Variants in FAM13C observed in about 807,000 individuals in gnomAD.
FAM13C encodes the protein protein FAM13C.
Under a neutral mutation model 73.2 loss-of-function variants are expected in FAM13C, and 37 were observed. The observed-to-expected ratio is 0.51, with a 90% CI of 0.39 to 0.67. FAM13C has a LOEUF of 0.67. Among genes scored for constraint, FAM13C ranks in the 30% least tolerant of loss-of-function variants. The pLI, the probability that FAM13C is intolerant of heterozygous loss-of-function variation, is 0.00. For missense variants in FAM13C, 589 were observed against 715.6 expected, an observed-to-expected ratio of 0.82 and a Z score of 2.02; for synonymous variants, 246 against 260.9, an observed-to-expected ratio of 0.94 and a Z score of 0.55.
At chr10:59,316,963 G>A (rs2133973020) in intron 4 of FAM13C, among the ~76,000 whole-genome samples, 1 of 152,182 alleles carries the variant, frequency 6.6e-6, no homozygotes, top group South Asian at 2.1e-4. Flanking sequence ...ATGTAATTAT[G>A]TATAATATAT....
chr10:59,268,960 T>A (rs1314870191), intron 7 of FAM13C, among the ~76,000 whole-genome samples: 2 of 152,164 alleles, frequency 1.3e-5, no homozygotes, highest in East Asian at 3.9e-4. Context: ...AGGAGGCCAA[T>A]TTAAGACTCG....
At chr10:59,360,959 G>A in intron 1 of FAM13C, 1 of 1,224,934 alleles carries the variant, frequency 8.2e-7, no homozygotes, top group African/African-American at 1.6e-5. Context: ...GGCCACACCA[G>A]GCTCCTGAGA....
intron 4 of FAM13C, among the ~76,000 whole-genome samples, chr10:59,315,915 G>A (rs534594334): frequency 4.1e-4 from 62 of 152,082 alleles, no homozygotes; most frequent in African/African-American, 1.3e-3. Context: ...TCCATGATCG[G>A]ACAACTGAAA....
At chr10:59,297,011 CT>C (rs1846997061) in intron 5 of FAM13C, 1 of 152,184 alleles carries the variant, frequency 6.6e-6, no homozygotes, top group Admixed American at 6.5e-5. Context: ...CAGTAATATT[CT>C]TTCCATTAAA....
intron 10 of FAM13C, among the ~76,000 whole-genome samples, chr10:59,261,116 TGAAGGATG>T (rs1351218596): frequency 1.3e-5 from 2 of 152,134 alleles, no homozygotes; most frequent in Admixed American, 1.3e-4. Context: ...TCAGAAGCAT[TGAAGGATG>T]GAAAACCACA....
intron 13 of FAM13C, among the ~76,000 whole-genome samples, chr10:59,250,630 A>C (rs1841280763): frequency 6.6e-6 from 1 of 152,182 alleles, no homozygotes; most frequent in Non-Finnish European, 1.5e-5. Context: ...CATCAGGACA[A>C]CCCTCAACCT....
chr10:59,272,171 G>A (rs1843789917), intron 6 of FAM13C, among the ~76,000 whole-genome samples: 1 of 152,126 alleles, frequency 6.6e-6, no homozygotes. Context: ...TTTCCCTTGG[G>A]CATTTGCATA....
intron 6 of FAM13C, among the ~76,000 whole-genome samples, chr10:59,271,665 A>T (rs1165421669): frequency 2.0e-5 from 3 of 152,216 alleles, no homozygotes; most frequent in Non-Finnish European, 4.4e-5. Flanking sequence ...GAGTAACAGG[A>T]ATAAGAGTTA....
intron 3 of FAM13C, among the ~76,000 whole-genome samples, chr10:59,340,148 A>T (rs901556765): frequency 6.6e-6 from 1 of 152,254 alleles, no homozygotes; most frequent in Admixed American, 6.5e-5. Flanking sequence ...AATTTTAACC[A>T]AATAATGAAC....
In FAM13C at chr10:59,262,599, A is replaced by T. The variant is rs1842621076; in HGVS notation, c.1071T>A (p.Gly357=). The change falls in exon 10 of 14, where the codon GGT becomes GGA. Residue 357 remains glycine, a synonymous_variant. Transcript: ENST00000618804. ...LSEEQGSAPK[G]PPRNLLCEQP... ...GCTCACACAACAGGTTTCTAGGTGG[A>T]CCTTTGGGAGCACTCCCTTGTTCTT... The T allele has an allele frequency of 6.2e-7, 1 of 1,613,568 alleles. No individual in the cohort carries two copies. The highest frequency in any genetic ancestry group is 2.2e-5 in the East Asian group (1 of 44,882).
chr10:59,298,555 C>T (rs1564544758), intron 5 of FAM13C, among the ~76,000 whole-genome samples: 2 of 152,158 alleles, frequency 1.3e-5, no homozygotes, highest in African/African-American at 4.8e-5. Context: ...CCCATGGTGA[C>T]CCAGAGCTTC....
intron 10 of FAM13C, among the ~76,000 whole-genome samples, chr10:59,258,050 T>C (rs1842115068): frequency 6.6e-6 from 1 of 152,204 alleles, no homozygotes; most frequent in African/African-American, 2.4e-5. Context: ...CACAGTGCTA[T>C]TGAATAATAA....
chr10:59,356,349 C>CCAAACCA (rs1417425598), intron 1 of FAM13C, among the ~76,000 whole-genome samples: 21 of 152,152 alleles, frequency 1.4e-4, no homozygotes, highest in African/African-American at 5.1e-4. Context: ...AACCAGCCTC[C>CCAAACCA]ATTTAGTTTA....
In FAM13C at chr10:59,286,516, A is replaced by AATATATATATATATAT. The variant is rs1159774665; in HGVS notation, c.508-3085_508-3070dup. ...GGCAACAGAGCAAGACTCCATCTCA[A>AATATATATATATATAT]ATATATATATATATATATATATATA... On this transcript the variant is annotated intron_variant, in intron 5 of 13. Transcript: ENST00000618804. 3.1e-3 allele frequency among the ~76,000 whole-genome samples: 344 copies of AATATATATATATATAT among 110,890 alleles called. 6 individuals are homozygous for AATATATATATATATAT. Among genetic ancestry groups the AATATATATATATATAT allele is most frequent in the African/African-American group, 8.6e-3 (252 of 29,286 alleles). 72.7% of individuals were successfully genotyped at this position (110,890 alleles called of 152,430 possible).
In FAM13C at chr10:59,354,019, C is replaced by A. The variant is rs1855396577; in HGVS notation, c.120-1545G>T. 2.0e-5 allele frequency among the ~76,000 whole-genome samples: 3 copies of A among 152,168 alleles called. No homozygotes were observed. The South Asian group carries it at 6.2e-4, about 32-fold the overall frequency. On this transcript the variant is annotated intron_variant, in intron 2 of 13. Transcript: ENST00000618804. Reference sequence around the variant, plus strand: ...GAAGTACATTTTTCTCACTAGAAACCCATCCACTCCATGATCCTGCATGAG... The same window carrying A: ...GAAGTACATTTTTCTCACTAGAAACACATCCACTCCATGATCCTGCATGAG...
chr10:59,309,377 A>G (rs1277928618), intron 4 of FAM13C, among the ~76,000 whole-genome samples: 2 of 152,112 alleles, frequency 1.3e-5, no homozygotes, highest in African/African-American at 4.8e-5. Context: ...CCTTCTGCAC[A>G]CTATACTTAA....
At chr10:59,348,953 T>C (rs1250701080) in intron 3 of FAM13C, among the ~76,000 whole-genome samples, 1 of 152,174 alleles carries the variant, frequency 6.6e-6, no homozygotes, top group Non-Finnish European at 1.5e-5. Context: ...AAGAGTATTA[T>C]ATCTTGAGGT....
chr10:59,306,222 G>A (rs1204264382), intron 4 of FAM13C, among the ~76,000 whole-genome samples: 1 of 152,106 alleles, frequency 6.6e-6, no homozygotes, highest in African/African-American at 2.4e-5. Context: ...TTTCATGGAA[G>A]GAAGCAGAAA....
intron 3 of FAM13C, among the ~76,000 whole-genome samples, chr10:59,328,825 A>G (rs1851531535): frequency 6.6e-6 from 1 of 152,228 alleles, no homozygotes; most frequent in Admixed American, 6.5e-5. Context: ...ATCTCTAATT[A>G]AGACATGATT....
Sources: gnomAD v4.1 joint callset for allele counts (sites outside exome capture counted in the v4.1 genomes callset) on GRCh38, gnomAD v4.1.1 for gene constraint, MANE v1.5 for transcripts, NCBI Gene and HGNC (gene_info 2026-07-23, HGNC 2026-07-21) for gene names.